FBXW8: variants seen among roughly 807,000 people sequenced by gnomAD.
The protein encoded by FBXW8 is F-box and WD repeat domain containing 8, also known as F-box/WD repeat-containing protein 8.
FBXW8 carries 57 observed loss-of-function variants against 65.3 expected under a neutral mutation model. The observed-to-expected ratio is 0.87, with a 90% CI of 0.71 to 1.09. The LOEUF is 1.09. FBXW8 is among the 50% of genes least tolerant of loss of function. FBXW8 has a pLI of 0.00. For synonymous variants in FBXW8, 308 were observed against 330.2 expected (o/e 0.93, Z 0.73); for missense variants, 777 against 814.8 (o/e 0.95, Z 0.57).
chr12:116,968,310 A>G (rs373237066), intron 5 of FBXW8, among the ~76,000 whole-genome samples: 2 of 152,220 alleles, frequency 1.3e-5, no homozygotes, highest in South Asian at 4.1e-4. Flanking sequence ...ATATCCTTGT[A>G]TTTTAGTATT....
intron 6 of FBXW8, chr12:116,986,928 T>C (rs895399309): frequency 2.0e-5 from 3 of 151,910 alleles, no homozygotes; most frequent in African/African-American, 4.8e-5. Flanking sequence ...TTTGGGGGAG[T>C]GAGAGGAACC....
At chr12:116,997,920 A>G (rs1953417359) in intron 7 of FBXW8, among the ~76,000 whole-genome samples, 2 of 152,160 alleles carry the variant, frequency 1.3e-5, no homozygotes, top group East Asian at 1.9e-4. Flanking sequence ...GGTTCAAGCA[A>G]TTCTCCTGCC....
chr12:116,966,435 G>C (rs1884331049), intron 5 of FBXW8, among the ~76,000 whole-genome samples: 1 of 152,150 alleles, frequency 6.6e-6, no homozygotes, highest in Non-Finnish European at 1.5e-5. Context: ...AAGAAGCCAG[G>C]TAGGTTGAAG....
At chr12:116,943,319 C>G (rs947901756) in intron 2 of FBXW8, among the ~76,000 whole-genome samples, 1 of 152,146 alleles carries the variant, frequency 6.6e-6, no homozygotes, top group Admixed American at 6.5e-5. Context: ...ATAATGGAAA[C>G]TCTGGAAATA....
intron 2 of FBXW8, among the ~76,000 whole-genome samples, chr12:116,934,957 T>C (rs1302095892): frequency 6.7e-6 from 1 of 149,756 alleles, no homozygotes; most frequent in Non-Finnish European, 1.5e-5. Flanking sequence ...TCCCCGACCC[T>C]TTCACCCCCA....
chr12:116,937,554 G>C (rs905967294), intron 2 of FBXW8, among the ~76,000 whole-genome samples: 2 of 152,202 alleles, frequency 1.3e-5, no homozygotes, highest in African/African-American at 4.8e-5. Flanking sequence ...AAGCGCTGTT[G>C]TTCATCAAGT....
At chr12:117,017,931 G>GT (rs1310117189) in intron 8 of FBXW8, among the ~76,000 whole-genome samples, 1 of 152,192 alleles carries the variant, frequency 6.6e-6, no homozygotes, top group Non-Finnish European at 1.5e-5. Context: ...CAAATATAAA[G>GT]TTGTGTGCTG....
At chr12:117,017,227 A>G (rs865957512) in intron 8 of FBXW8, among the ~76,000 whole-genome samples, 20 of 152,190 alleles carry the variant, frequency 1.3e-4, no homozygotes, top group Admixed American at 1.3e-3. Flanking sequence ...ATACATTATC[A>G]TCTTTGTCCA....
At chr12:116,985,084 C>T in intron 5 of FBXW8, 122 bp from the exon 6 acceptor site, 1 of 731,578 alleles carries the variant, frequency 1.4e-6, no homozygotes, top group South Asian at 2.1e-5. Context: ...CGTGTTTAGA[C>T]TTGGGTCTCA....
At chr12:116,952,799 G>A (rs368712080) in intron 4 of FBXW8, among the ~76,000 whole-genome samples, 1 of 152,132 alleles carries the variant, frequency 6.6e-6, no homozygotes, top group African/African-American at 2.4e-5. Flanking sequence ...GTGCAGTGGT[G>A]TGATCTCAGC....
chr12:117,004,398 A>G (rs971553966), intron 7 of FBXW8, among the ~76,000 whole-genome samples: 11 of 152,012 alleles, frequency 7.2e-5, no homozygotes, highest in Non-Finnish European at 1.5e-4. Context: ...TGGATTTTTT[A>G]AATTGTGAGC....
At chr12:117,010,288 A>G (rs1953771510) in intron 7 of FBXW8, 35 bp from the exon 8 acceptor site, 1 of 1,613,764 alleles carries the variant, frequency 6.2e-7, no homozygotes, top group Admixed American at 1.7e-5. Context: ...TGGTGTGTGG[A>G]ATTGTGGGCC....
intron 5 of FBXW8, among the ~76,000 whole-genome samples, chr12:116,967,044 T>C (rs1348437531): frequency 6.6e-6 from 1 of 151,968 alleles, no homozygotes; most frequent in Non-Finnish European, 1.5e-5. Context: ...AAAATGTATA[T>C]AAAATGACAA....
intron 5 of FBXW8, among the ~76,000 whole-genome samples, chr12:116,969,881 A>G (rs760704146): frequency 6.8e-6 from 1 of 146,522 alleles, no homozygotes; most frequent in African/African-American, 2.5e-5. Flanking sequence ...TTGAATTCCA[A>G]CCCTCTGGCC....
intron 1 of FBXW8, among the ~76,000 whole-genome samples, chr12:116,927,150 G>T (rs1037987319): frequency 1.3e-5 from 2 of 152,160 alleles, no homozygotes; most frequent in African/African-American, 4.8e-5. Flanking sequence ...TTGGCAGGTG[G>T]ATTGGGAACA....
intron 7 of FBXW8, among the ~76,000 whole-genome samples, chr12:116,989,666 C>G (rs1369835584): frequency 6.6e-6 from 1 of 152,198 alleles, no homozygotes; most frequent in Non-Finnish European, 1.5e-5. Flanking sequence ...ATAGAACTCT[C>G]CCTACCAGTG....
At chr12:116,912,383 T>C (rs1282722974) in intron 1 of FBXW8, among the ~76,000 whole-genome samples, 1 of 151,068 alleles carries the variant, frequency 6.6e-6, no homozygotes, top group African/African-American at 2.4e-5. Context: ...AGAGACAAGG[T>C]CTCCCTGTAT....
chr12:116,998,368 C>A (rs1953432556), intron 7 of FBXW8, among the ~76,000 whole-genome samples: 1 of 80,206 alleles, frequency 1.2e-5, no homozygotes, highest in Non-Finnish European at 3.9e-5. Context: ...ATTATTCAGT[C>A]TTCTTGAGAC....
At chr12:116,992,550 A>G (rs937203703) in intron 7 of FBXW8, among the ~76,000 whole-genome samples, 1 of 152,042 alleles carries the variant, frequency 6.6e-6, no homozygotes, top group African/African-American at 2.4e-5. Context: ...AATAGTATAC[A>G]TTGTACCCAG....
Sources: allele counts gnomAD v4.1 joint callset (sites outside exome capture counted in the v4.1 genomes callset), GRCh38; gene constraint gnomAD v4.1.1; transcripts MANE v1.5; gene names NCBI Gene and HGNC (gene_info 2026-07-23, HGNC 2026-07-21).